The following MYO6 variants were observed in gnomAD, a reference collection of about 807,000 sequenced individuals.
MYO6 encodes the protein unconventional myosin-VI.
MYO6 carries 74 observed loss-of-function variants against 178.7 expected under a neutral mutation model. That is an observed-to-expected ratio of 0.41 (90% CI 0.34 to 0.50). The LOEUF (loss-of-function observed/expected upper bound fraction) is 0.50. Ranked by LOEUF, MYO6 falls within the 20% of genes least tolerant of loss-of-function variation. The pLI is 0.09. For synonymous variants in MYO6, 477 were observed against 504.6 expected (o/e 0.95, Z 0.73); for missense variants, 1,330 against 1,547.4 (o/e 0.86, Z 2.36).
rs549454955 is a variant in MYO6, at chr6:75,862,059, G to A, written c.1547-537G>A. Among the ~76,000 whole-genome samples the A allele has an allele frequency of 3.9e-5, 6 of 152,184 alleles. No homozygotes were observed. In the East Asian group the frequency reaches 7.7e-4, roughly 20 times the overall value. On this transcript the variant is annotated intron_variant, in intron 15 of 34. Coordinates refer to ENST00000369977, the MANE Select transcript of MYO6 (RefSeq NM_004999.4). ...AATCTTTCTCTTCCTATGTCTTATA[G>A]CTTTGTTCCACTTAATCATTGTTAT... is the stretch of plus-strand genomic sequence containing the variant.
chr6:75,785,640 A>ATT (rs894731579), intron 1 of MYO6, among the ~76,000 whole-genome samples: 1 of 145,330 alleles, frequency 6.9e-6, no homozygotes, highest in Non-Finnish European at 1.5e-5. Context: ...CGTTCTGTTA[A>ATT]TTTTTTTTTT....
intron 11 of MYO6, among the ~76,000 whole-genome samples, chr6:75,850,993 A>G (rs1775214234): frequency 6.6e-6 from 1 of 152,134 alleles, no homozygotes; most frequent in South Asian, 2.1e-4. Context: ...TTGAAAATGT[A>G]ATGAATGTTA....
At chr6:75,803,094 T>A (rs1458913263) in intron 1 of MYO6, among the ~76,000 whole-genome samples, 1 of 152,224 alleles carries the variant, frequency 6.6e-6, no homozygotes, top group Non-Finnish European at 1.5e-5. Flanking sequence ...GATGGTAATT[T>A]ACGCAGGTGT....
At chr6:75,853,520 G>A (rs941785112) in intron 11 of MYO6, among the ~76,000 whole-genome samples, 36 of 152,118 alleles carry the variant, frequency 2.4e-4, no homozygotes, top group African/African-American at 8.4e-4. Context: ...TTATGGTTGA[G>A]GAAGGGGTCC....
chr6:75,776,959 ACT>A (rs1249531523), intron 1 of MYO6, among the ~76,000 whole-genome samples: 1 of 151,854 alleles, frequency 6.6e-6, no homozygotes, highest in African/African-American at 2.4e-5. Context: ...TTATTGCATG[ACT>A]CTCTGTCCAG....
chr6:75,835,210 C>A (rs933469793), intron 6 of MYO6, among the ~76,000 whole-genome samples: 5 of 152,046 alleles, frequency 3.3e-5, no homozygotes, highest in Admixed American at 2.0e-4. Flanking sequence ...TATTTAAAAT[C>A]AAATAGTTGG....
chr6:75,911,215 G>A (rs1780732575), intron 32 of MYO6, among the ~76,000 whole-genome samples: 1 of 151,862 alleles, frequency 6.6e-6, no homozygotes, highest in South Asian at 2.1e-4. Context: ...ATGAGTTTAA[G>A]ATTTAGAGAG....
At chr6:75,750,200 A>G (rs1041030800) in intron 1 of MYO6, among the ~76,000 whole-genome samples, 12 of 151,392 alleles carry the variant, frequency 7.9e-5, no homozygotes, top group Non-Finnish European at 1.2e-4. Context: ...GGTTCAAGCA[A>G]TTCTCTGCCA....
intron 31 of MYO6, 109 bp from the exon 32 acceptor site, chr6:75,908,387 T>G (rs1204055362): frequency 9.7e-7 from 1 of 1,029,492 alleles, no homozygotes; most frequent in Non-Finnish European, 1.4e-6. Context: ...TTTTGTACCA[T>G]TAATTTAAAA....
At chr6:75,864,127 G>A (rs1031877168) in intron 16 of MYO6, among the ~76,000 whole-genome samples, 1 of 152,188 alleles carries the variant, frequency 6.6e-6, no homozygotes, top group African/African-American at 2.4e-5. Flanking sequence ...GTTTAGAGTT[G>A]CCTAGTGGAA....
intron 1 of MYO6, among the ~76,000 whole-genome samples, chr6:75,789,672 G>A (rs545813472): frequency 1.3e-4 from 20 of 152,078 alleles, no homozygotes; most frequent in African/African-American, 4.8e-4. Context: ...ACAATGTGAT[G>A]TTTCAGTGCT....
chr6:75,869,460 T>C (rs13194557), intron 18 of MYO6, among the ~76,000 whole-genome samples: 19,567 of 152,154 alleles, frequency 0.13, 1,338 homozygotes, highest in Non-Finnish European at 0.15. Flanking sequence ...TTAATTAGAT[T>C]AAACATAATA....
At chr6:75,837,706 GT>G (rs566303538) in intron 7 of MYO6, among the ~76,000 whole-genome samples, 13 of 151,468 alleles carry the variant, frequency 8.6e-5, no homozygotes, top group Non-Finnish European at 1.6e-4. Flanking sequence ...CACCAGTAAA[GT>G]TTTTTTTTAA....
At chr6:75,895,331 G>A in intron 29 of MYO6, 71 bp downstream of exon 29, 2 of 1,203,372 alleles carry the variant, frequency 1.7e-6, no homozygotes, top group Non-Finnish European at 2.5e-6. Context: ...TCTCATTGGA[G>A]TAAATTTTAA....
chr6:75,778,454 G>A (rs1054017298), intron 1 of MYO6, among the ~76,000 whole-genome samples: 5 of 152,158 alleles, frequency 3.3e-5, no homozygotes, highest in South Asian at 2.1e-4. Context: ...AAAATTAGCC[G>A]GGCGTGATGG....
chr6:75,904,390 C>T (rs987231076), intron 30 of MYO6, among the ~76,000 whole-genome samples: 1 of 151,594 alleles, frequency 6.6e-6, no homozygotes, highest in Non-Finnish European at 1.5e-5. Context: ...TTGGTCTTTT[C>T]ACATAGTCCC....
rs565770950 is a variant in MYO6, at chr6:75,832,891, C to T, written c.441C>T (p.Ile147=). 217 of 1,613,942 alleles carry T rather than the reference C, an allele frequency of 1.3e-4. No individual in the cohort carries two copies. Among genetic ancestry groups the T allele is most frequent in the Non-Finnish European group, 1.8e-4 (209 of 1,179,986 alleles). Reference sequence around the variant, plus strand: ...AGGTGCTCAAGATGAGTCAGTCTATCATTGTATCTGGAGAATCAGGAGCCG... The same window carrying T: ...AGGTGCTCAAGATGAGTCAGTCTATTATTGTATCTGGAGAATCAGGAGCCG... ...DMKVLKMSQS[I]IVSGESGAGK... The change falls in exon 6 of 35, where the codon ATC becomes ATT. Residue 147 remains isoleucine (I), a synonymous_variant. Transcript: ENST00000369977.
At chr6:75,887,331 G>A (rs1269804870) in intron 25 of MYO6, among the ~76,000 whole-genome samples, 4 of 152,082 alleles carry the variant, frequency 2.6e-5, no homozygotes, top group African/African-American at 9.7e-5. Context: ...CATCCTGCAC[G>A]TGCATCCCTG....
At chr6:75,879,175 T>C (rs1318257339) in intron 20 of MYO6, among the ~76,000 whole-genome samples, 2 of 152,224 alleles carry the variant, frequency 1.3e-5, no homozygotes, top group African/African-American at 4.8e-5. Context: ...CTTTGCCTTA[T>C]ATACTGTGTT....
Sources: allele counts gnomAD v4.1 joint callset (sites outside exome capture counted in the v4.1 genomes callset), GRCh38; gene constraint gnomAD v4.1.1; transcripts MANE v1.5; gene names NCBI Gene and HGNC (gene_info 2026-07-23, HGNC 2026-07-21).